Variants in ANXA8 observed in about 807,000 individuals in gnomAD.
ANXA8 encodes annexin A8, also known as VAC-beta.
Under a neutral mutation model 26.8 loss-of-function variants are expected in ANXA8, and 9 were observed. The ratio of observed to expected loss-of-function variants is 0.34; its 90% CI spans 0.20 to 0.59. The LOEUF is 0.59. ANXA8 is among the 20% of genes least tolerant of loss of function. The pLI is 0.84. For synonymous variants in ANXA8, 39 were observed against 94.8 expected (o/e 0.41, Z 3.42); for missense variants, 83 against 238.5 (o/e 0.35, Z 4.29).
At chr10:47,659,681 A>C in the ANXA8 span, among the ~76,000 whole-genome samples, 1 of 149,662 alleles carries the variant, frequency 6.7e-6, no homozygotes, top group Non-Finnish European at 1.5e-5. Context: ...TGTCTCAAAA[A>C]AAAAAAAAAA....
chr10:47,980,272 A>G, the ANXA8 span, among the ~76,000 whole-genome samples: 1 of 151,746 alleles, frequency 6.6e-6, no homozygotes, highest in South Asian at 2.1e-4. Flanking sequence ...GATGCAGTCA[A>G]AGCAATACTT....
At chr10:47,733,143 A>ATCTTCCTTTCTTTCTT in the ANXA8 span, among the ~76,000 whole-genome samples, 5 of 98,068 alleles carry the variant, frequency 5.1e-5, no homozygotes, top group Admixed American at 1.1e-4. Flanking sequence ...CAACTCCCTA[A>ATCTTCCTTTCTTTCTT]TCTTTCTTTC....
upstream of ANXA8, among the ~76,000 whole-genome samples, chr10:47,488,448 T>C (rs1195550368): frequency 6.8e-6 from 1 of 147,852 alleles, no homozygotes; most frequent in African/African-American, 2.5e-5. Flanking sequence ...TGACCTCAGG[T>C]GGCCCACCCG....
chr10:47,497,239 G>T, the ANXA8 span, among the ~76,000 whole-genome samples: 6 of 137,198 alleles, frequency 4.4e-5, no homozygotes, highest in African/African-American at 1.7e-4. Context: ...AGAATTGCTT[G>T]AACCCGGGAG....
chr10:47,484,413 T>C, upstream of ANXA8: 2 of 1,096,488 alleles, frequency 1.8e-6, no homozygotes, highest in South Asian at 2.9e-5. Context: ...AGCCATGGAG[T>C]ATGCCATTTA....
the ANXA8 span, chr10:47,691,021 C>T: frequency 7.4e-6 from 12 of 1,610,900 alleles, no homozygotes; most frequent in South Asian, 3.3e-5. Flanking sequence ...ATTCTAAAAG[C>T]CAGAAGTATA....
chr10:47,681,609 G>A, the ANXA8 span, among the ~76,000 whole-genome samples: 2 of 107,216 alleles, frequency 1.9e-5, no homozygotes, highest in Admixed American at 1.2e-4. Flanking sequence ...ACGGCTTACT[G>A]TAGCCTTGAT....
the ANXA8 span, among the ~76,000 whole-genome samples, chr10:47,960,598 CTGAAG>C: frequency 5.3e-5 from 8 of 149,790 alleles, no homozygotes; most frequent in South Asian, 1.5e-3. Context: ...TAAATTTTTA[CTGAAG>C]TGAACAGACA....
the ANXA8 span, among the ~76,000 whole-genome samples, chr10:47,929,968 A>G: frequency 6.6e-6 from 1 of 152,188 alleles, no homozygotes; most frequent in Non-Finnish European, 1.5e-5. Context: ...CAAATTTCAC[A>G]GTCACAGTCT....
the ANXA8 span, chr10:47,991,629 C>A: frequency 6.2e-7 from 1 of 1,611,092 alleles, no homozygotes; most frequent in East Asian, 2.2e-5. Context: ...CCCTGGTGAC[C>A]AGCACCCAAC....
chr10:47,936,729 C>A, the ANXA8 span, among the ~76,000 whole-genome samples: 1 of 148,274 alleles, frequency 6.7e-6, no homozygotes, highest in African/African-American at 2.5e-5. Flanking sequence ...AGGCCAGGGG[C>A]TGTGCTTCCT....
chr10:47,971,293 C>T, the ANXA8 span, among the ~76,000 whole-genome samples: 104,195 of 149,352 alleles, frequency 0.7, 36,485 homozygotes, highest in Non-Finnish European at 0.8. Flanking sequence ...CTGGAGTCTC[C>T]TTTCTTGTAT....
the ANXA8 span, chr10:47,569,765 T>TTG: frequency 9.4e-5 from 10 of 106,012 alleles, no homozygotes; most frequent in African/African-American, 7.4e-4. Flanking sequence ...TTTTTTTTTT[T>TTG]TTTGAGACAG....
At chr10:47,651,103 G>A in the ANXA8 span, among the ~76,000 whole-genome samples, 4 of 151,456 alleles carry the variant, frequency 2.6e-5, no homozygotes, top group Admixed American at 6.6e-5. Context: ...AGAAGCTGAG[G>A]TGGGAGGATC....
At chr10:47,975,600 G>A in the ANXA8 span, among the ~76,000 whole-genome samples, 6 of 150,912 alleles carry the variant, frequency 4.0e-5, no homozygotes, top group African/African-American at 1.5e-4. Context: ...GACTTAGTCT[G>A]CTGACTAAGC....
the ANXA8 span, among the ~76,000 whole-genome samples, chr10:47,775,839 T>C: frequency 1.3e-5 from 2 of 150,210 alleles, no homozygotes; most frequent in Admixed American, 6.7e-5. Context: ...TGACTCAGGC[T>C]CTGAATCAGG....
chr10:47,588,810 T>TA, the ANXA8 span: 7 of 87,436 alleles, frequency 8.0e-5, no homozygotes, highest in Admixed American at 1.2e-4. Context: ...TCTTTCTCTC[T>TA]CTTTTTTTTT....
chr10:47,947,820 A>T, the ANXA8 span, among the ~76,000 whole-genome samples: 1 of 150,506 alleles, frequency 6.6e-6, no homozygotes, highest in African/African-American at 2.5e-5. Context: ...ACAGATTAGT[A>T]CAACAGGGTT....
At chr10:47,983,087 G>A in the ANXA8 span, among the ~76,000 whole-genome samples, 2 of 69,530 alleles carry the variant, frequency 2.9e-5, no homozygotes, top group African/African-American at 1.1e-4. Context: ...CAGGCAATAA[G>A]AAGTGTTGGT....
Sources: gnomAD v4.1 joint callset for allele counts (sites outside exome capture counted in the v4.1 genomes callset) on GRCh38, gnomAD v4.1.1 for gene constraint, MANE v1.5 for transcripts, NCBI Gene and HGNC (gene_info 2026-07-23, HGNC 2026-07-21) for gene names.